The following ZEB1 variants were observed in gnomAD, a reference collection of about 807,000 sequenced individuals.
The protein encoded by ZEB1 is zinc finger E-box-binding homeobox 1.
ZEB1 carries 21 observed loss-of-function variants against 84.9 expected under a neutral mutation model. That is an observed-to-expected ratio of 0.25 (90% CI 0.18 to 0.36). ZEB1 has a LOEUF of 0.36. Ranked by LOEUF, ZEB1 falls within the 10% of genes least tolerant of loss-of-function variation. The pLI is 1.00. For missense variants in ZEB1, 1,104 were observed against 1,330.2 expected, an observed-to-expected ratio of 0.83 and a Z score of 2.65; for synonymous variants, 420 against 471.1, an observed-to-expected ratio of 0.89 and a Z score of 1.41.
rs1201536450 is a variant in ZEB1, at chr10:31,461,153, G to C, written c.175G>C (p.Asp59His). The C allele has an allele frequency of 1.2e-6, 2 of 1,613,560 alleles. No homozygotes were observed. Among genetic ancestry groups the C allele is most frequent in the Admixed American group, 3.3e-5 (2 of 59,858 alleles). The change falls in exon 2 of 9, where the codon GAT becomes CAT. Residue 59 changes from aspartate to histidine, a missense_variant. Asp to His is a moderately conservative substitution (Grantham distance 81). Transcript: ENST00000424869. ...DAADCEGVPEDDLPTDQTVLP... is the reference protein window; with the variant it reads ...DAADCEGVPEHDLPTDQTVLP... The stretch of plus-strand genomic sequence containing the variant: ...AGCTGACTGTGAAGGTGTACCAGAG[G>C]ATGACCTGCCAACAGACCAGACAGT...
chr10:31,365,479 A>T (rs1052835903), intron 1 of ZEB1, among the ~76,000 whole-genome samples: 11 of 152,164 alleles, frequency 7.2e-5, no homozygotes, highest in Non-Finnish European at 1.3e-4. Flanking sequence ...AAAAAAATAA[A>T]TTGCATGTCT....
At chr10:31,461,335 A>T in intron 2 of ZEB1, 98 bp downstream of exon 2, 1 of 1,331,268 alleles carries the variant, frequency 7.5e-7, no homozygotes, top group Non-Finnish European at 1.0e-6. Flanking sequence ...GTTTGAAATC[A>T]ATAGTAAATT....
At chr10:31,399,783 G>A (rs1353136515) in intron 1 of ZEB1, among the ~76,000 whole-genome samples, 4 of 152,086 alleles carry the variant, frequency 2.6e-5, no homozygotes, top group Non-Finnish European at 5.9e-5. Flanking sequence ...AGCCTACCAG[G>A]CTCTGTGCTC....
intron 1 of ZEB1, among the ~76,000 whole-genome samples, chr10:31,347,425 G>T (rs2040501771): frequency 6.6e-6 from 1 of 152,082 alleles, no homozygotes; most frequent in South Asian, 2.1e-4. Context: ...TGCCCAGGCT[G>T]GCCTTGAACT....
chr10:31,387,089 C>G (rs1051744650), intron 1 of ZEB1: 1 of 985,300 alleles, frequency 1.0e-6, no homozygotes, highest in Non-Finnish European at 1.2e-6. Flanking sequence ...TAGTTTGATC[C>G]CAGTATAATC....
chr10:31,455,045 G>C (rs536841368), intron 1 of ZEB1, among the ~76,000 whole-genome samples: 1 of 152,224 alleles, frequency 6.6e-6, no homozygotes, highest in Admixed American at 6.5e-5. Context: ...AAACAGCATG[G>C]TACTGGTATC....
At chr10:31,385,952 GTTTA>G (rs1217262789) in intron 1 of ZEB1, among the ~76,000 whole-genome samples, 1 of 152,062 alleles carries the variant, frequency 6.6e-6, no homozygotes. Flanking sequence ...ATAATATTCT[GTTTA>G]TTATAGTCAG....
At chr10:31,344,578 A>G (rs913298550) in intron 1 of ZEB1, among the ~76,000 whole-genome samples, 3 of 152,238 alleles carry the variant, frequency 2.0e-5, no homozygotes, top group African/African-American at 7.2e-5. Flanking sequence ...ACTGGTTAGA[A>G]GCTGCCAATA....
Position 31,520,058 on chromosome 10 carries a change from A to G in ZEB1, c.794-68A>G. On this transcript the variant is annotated intron_variant, in intron 6 of 8. Transcript: ENST00000424869. The surrounding 1 kb of genome is among the most constrained non-coding windows in gnomAD (Gnocchi z 5.1). ...AAAATTGATACCGCTTGTTTTAGGG[A>G]AATGAGGATACATAAAAATTTATAT... 6.4e-7 allele frequency: 1 copy of G among 1,566,310 alleles called. No individual in the cohort carries two copies. The highest frequency in any genetic ancestry group is 8.6e-7 in the Non-Finnish European group (1 of 1,157,018).
At chr10:31,516,568 A>G (rs929937591) in intron 6 of ZEB1, among the ~76,000 whole-genome samples, 24 of 145,818 alleles carry the variant, frequency 1.6e-4, no homozygotes, top group Non-Finnish European at 3.4e-4. Flanking sequence ...AAAAAAAAAA[A>G]AAAAAAAAAA....
chr10:31,446,475 T>C (rs372020431), intron 1 of ZEB1, among the ~76,000 whole-genome samples: 1 of 150,190 alleles, frequency 6.7e-6, no homozygotes, highest in African/African-American at 2.4e-5. Flanking sequence ...TGTTTGCTCT[T>C]GCTTTTCTAG....
intron 1 of ZEB1, among the ~76,000 whole-genome samples, chr10:31,417,084 G>A (rs542098631): frequency 6.6e-6 from 1 of 152,196 alleles, no homozygotes; most frequent in East Asian, 1.9e-4. Flanking sequence ...GACCTACAAT[G>A]TGCCAACAAT....
intron 3 of ZEB1, 118 bp downstream of exon 3, chr10:31,495,956 C>T (rs1289295642): frequency 9.0e-7 from 1 of 1,112,344 alleles, no homozygotes; most frequent in South Asian, 1.3e-5. Context: ...TCTTACCTTC[C>T]TTAAATGTTT....
chr10:31,351,557 T>G (rs1393466275), intron 1 of ZEB1, among the ~76,000 whole-genome samples: 2 of 152,170 alleles, frequency 1.3e-5, no homozygotes, highest in Non-Finnish European at 1.5e-5. Context: ...GGAATTACGC[T>G]AGATTATTTT....
chr10:31,392,130 G>T (rs1466260373), intron 1 of ZEB1, among the ~76,000 whole-genome samples: 1 of 152,098 alleles, frequency 6.6e-6, no homozygotes, highest in Non-Finnish European at 1.5e-5. Context: ...GTTTGCTAAT[G>T]CTTTCTTCTG....
chr10:31,456,342 A>G (rs764607519), intron 1 of ZEB1, among the ~76,000 whole-genome samples: 13 of 152,120 alleles, frequency 8.5e-5, no homozygotes, highest in African/African-American at 3.1e-4. Flanking sequence ...TCACCAAGGC[A>G]TGTGTATACC....
intron 3 of ZEB1, among the ~76,000 whole-genome samples, chr10:31,499,564 T>C (rs1404896469): frequency 6.6e-6 from 1 of 152,098 alleles, no homozygotes; most frequent in Non-Finnish European, 1.5e-5. Context: ...AGGAATTCTA[T>C]AAAATCTCAT....
At position 31,483,374 on chromosome 10, in the gene ZEB1, A is replaced by T. The variant is rs544003123; in HGVS notation, c.260-12402A>T. ...CAAGATGGTACATTAAGTAATGGAA[A>T]GCCAAGATTCAAACCCAGGTCTATT... On this transcript the variant is annotated intron_variant, in intron 2 of 8. Coordinates refer to ENST00000424869, the MANE Select transcript of ZEB1 (RefSeq NM_001174096.2). 2.0e-5 allele frequency among the ~76,000 whole-genome samples: 3 copies of T among 152,168 alleles called. No homozygotes were observed. The South Asian group carries it at 6.2e-4, about 32-fold the overall frequency.
rs979641114 is a variant in ZEB1, at chr10:31,444,463, G to C, written c.59-16574G>C. Among the ~76,000 whole-genome samples the C allele has an allele frequency of 5.6e-3, 855 of 151,974 alleles. 13 individuals are homozygous for C. The highest frequency in any genetic ancestry group is 0.02 in the African/African-American group (812 of 41,446). On this transcript the variant is annotated intron_variant, in intron 1 of 8. Transcript: ENST00000424869. ...TTGTCTTCTGTTGCCATTGCTTTTG[G>C]TGTTTTAGACATGAAGTCCTTGCCC...
Sources: allele counts gnomAD v4.1 joint callset (sites outside exome capture counted in the v4.1 genomes callset), GRCh38; gene constraint gnomAD v4.1.1; non-coding constraint Gnocchi (gnomAD v3.1); transcripts MANE v1.5; gene names NCBI Gene and HGNC (gene_info 2026-07-23, HGNC 2026-07-21).